RNF44: variants seen among roughly 807,000 people sequenced by gnomAD.
The protein encoded by RNF44 is ring finger protein 44.
In RNF44, 25 loss-of-function variants were observed where a neutral mutation model predicts 53.6. That is an observed-to-expected ratio of 0.47 (90% CI 0.34 to 0.65). The LOEUF (loss-of-function observed/expected upper bound fraction) is 0.65. Among genes scored for constraint, RNF44 ranks in the 30% least tolerant of loss-of-function variants. The pLI is 0.01. For missense variants in RNF44, 581 were observed against 595.5 expected, an observed-to-expected ratio of 0.98 and a Z score of 0.25; for synonymous variants, 282 against 252.2, an observed-to-expected ratio of 1.12 and a Z score of -1.12.
chr5:176,531,418 TG>T lies in RNF44; in HGVS notation c.465+44del. On this transcript the variant is annotated intron_variant, in intron 4 of 10. Transcript: ENST00000274811. The surrounding 1 kb of genome is among the most constrained non-coding windows in gnomAD (Gnocchi z 4.2). ...GCCCGCTGAGCCGCTGGCCTGTGCC[TG>T]GGGCTTGCAGCTGGTGGAGGAGGAG... The T allele has an allele frequency of 6.6e-7, 1 of 1,526,420 alleles. No individual in the cohort carries two copies. The highest frequency in any genetic ancestry group is 8.8e-7 in the Non-Finnish European group (1 of 1,135,056). The allele number at this position is 1,526,420 out of a possible 1,614,324, so 94.6% of individuals were successfully genotyped here.
rs773156373 is a variant in RNF44, at chr5:176,532,127, CGG to C, written c.172_173del (p.Pro58AlafsTer37). On this transcript the variant is annotated frameshift_variant, in exon 3 of 11. Transcript: ENST00000274811. LOFTEE classifies it high-confidence loss of function. Reference sequence around the variant, plus strand: ...CGGGGAGGTGTGGAGGTCGGGACGGCGGCTGCTGGGAGGGTAAGCGCTCATCC... The same window carrying C: ...CGGGGAGGTGTGGAGGTCGGGACGGCCTGCTGGGAGGGTAAGCGCTCATCC... ...ARDERLPSQQPPSRPPHLPVE... is the reference protein window; with the variant it reads ...ARDERLPSQQXPSRPPHLPVE... 45 of 1,581,074 alleles carry C rather than the reference CGG, an allele frequency of 2.8e-5. No homozygotes were observed. Among genetic ancestry groups the C allele is most frequent in the Non-Finnish European group, 3.8e-5 (44 of 1,165,824 alleles).
At position 176,530,576 on chromosome 5, in the gene RNF44, A is replaced by C; in HGVS notation, c.801+6T>G. The C allele has an allele frequency of 7.0e-7, 1 of 1,434,136 alleles. No homozygotes were observed. Among genetic ancestry groups the C allele is most frequent in the Non-Finnish European group, 9.1e-7 (1 of 1,099,034 alleles). 88.8% of individuals were successfully genotyped at this position (1,434,136 alleles called of 1,614,324 possible). On this transcript the variant is annotated splice_donor_region_variant and intron_variant, in intron 6 of 10. Transcript: ENST00000274811. ...GAGCCCAGGTGGGGGTCGGGGTGGC[A>C]CTCACCACACCAAAGGACAGCTCCT... is the stretch of plus-strand genomic sequence containing the variant.
At chr5:176,540,978 C>A (rs1757434467), upstream of RNF44, among the ~76,000 whole-genome samples, 2 of 152,220 alleles carry the variant, frequency 1.3e-5, no homozygotes, top group African/African-American at 4.8e-5. Flanking sequence ...GGCTTTGGAA[C>A]CCTGCTGTGG....
chr5:176,529,822 G>C lies in RNF44; in HGVS notation c.927-4C>G. ...TGGTGACATTGGCAGCATCGAGCTA[G>C]AGAGAGACAAGTGTGGGGGCCCAGG... On this transcript the variant is annotated splice_polypyrimidine_tract_variant and splice_region_variant and intron_variant, in intron 7 of 10. Transcript: ENST00000274811. 1 of 1,594,176 alleles carries C rather than the reference G, an allele frequency of 6.3e-7. No individual in the cohort carries two copies. Among genetic ancestry groups the C allele is most frequent in the East Asian group, 2.2e-5 (1 of 44,774 alleles).
rs761628180 is a variant in RNF44 at position 176,531,679 on chromosome 5, GA to G, written c.298-50del. On this transcript the variant is annotated intron_variant, in intron 3 of 10. Transcript: ENST00000274811. This position sits in a 1 kb window ranked among gnomAD's most constrained non-coding sequence, Gnocchi z 4.2. Reference sequence around the variant, plus strand: ...AAAGTATGAAAAGGAAGCTGACCGCGAGGGCTACTCTCAGGAGAAATCATCC... The same window carrying G: ...AAAGTATGAAAAGGAAGCTGACCGCGGGGCTACTCTCAGGAGAAATCATCC... 9.7e-6 allele frequency: 15 copies of G among 1,541,506 alleles called. No homozygotes were observed. Among genetic ancestry groups the G allele is most frequent in the Non-Finnish European group, 1.3e-5 (15 of 1,135,078 alleles).
In RNF44 at chr5:176,532,348, T is replaced by C; in HGVS notation, c.107+18A>G. 2 of 1,598,698 alleles carry C rather than the reference T, an allele frequency of 1.3e-6. No homozygotes were observed. The highest frequency in any genetic ancestry group is 1.7e-6 in the Non-Finnish European group (2 of 1,173,950). Reference sequence around the variant, plus strand: ...GGCCCCCATGCCCCAGCACCAGGACTGGGAGGCTCCTTCCTACCTTCCCCA... The same window carrying C: ...GGCCCCCATGCCCCAGCACCAGGACCGGGAGGCTCCTTCCTACCTTCCCCA... On this transcript the variant is annotated intron_variant, in intron 2 of 10. Transcript: ENST00000274811.
chr5:176,536,068 G>A (rs755488109), intron 1 of RNF44: 1 of 152,208 alleles, frequency 6.6e-6, no homozygotes, highest in Non-Finnish European at 1.5e-5. Context: ...TAAAAACAAA[G>A]TCAGACCCTG....
At chr5:176,535,445 T>A (rs2113179325) in intron 1 of RNF44, among the ~76,000 whole-genome samples, 1 of 152,330 alleles carries the variant, frequency 6.6e-6, no homozygotes, top group Non-Finnish European at 1.5e-5. Flanking sequence ...GAGTGGATCC[T>A]GGTTCTTTAA....
In RNF44 at chr5:176,531,679, G is replaced by C. The variant is rs377052527; in HGVS notation, c.298-49C>G. On this transcript the variant is annotated intron_variant, in intron 3 of 10. Coordinates refer to ENST00000274811, the MANE Select transcript of RNF44 (RefSeq NM_014901.5). The surrounding 1 kb of genome is among the most constrained non-coding windows in gnomAD (Gnocchi z 4.2). ...AAAGTATGAAAAGGAAGCTGACCGCGAGGGCTACTCTCAGGAGAAATCATC... is the reference window on the plus strand; with the variant it reads ...AAAGTATGAAAAGGAAGCTGACCGCCAGGGCTACTCTCAGGAGAAATCATC... 1.3e-6 allele frequency: 2 copies of C among 1,541,624 alleles called. No homozygotes were observed. The highest frequency in any genetic ancestry group is 1.2e-5 in the South Asian group (1 of 83,530).
rs539566033 is a variant in RNF44 at position 176,530,875 on chromosome 5, C to T, written c.612G>A (p.Val204=). The part of the protein sequence containing the change: ...PTHMAPLGQF[V]SLQTQHPRMP... ...TCCGAGGGTGCTGGGTCTGCAGAGA[C>T]ACAAACTGCCCCAGGGGCGCCATGT... The change falls in exon 5 of 11, where the codon GTG becomes GTA. Residue 204 remains valine (V), a synonymous_variant. Transcript: ENST00000274811. 1.5e-5 allele frequency: 16 copies of T among 1,054,794 alleles called. No homozygotes were observed. In the East Asian group the frequency reaches 4.2e-4, roughly 28 times the overall value. 65.3% of individuals were successfully genotyped at this position (1,054,794 alleles called of 1,614,324 possible).
At chr5:176,536,157 G>C (rs993971434) in intron 1 of RNF44, 2 of 152,304 alleles carry the variant, frequency 1.3e-5, no homozygotes, top group Non-Finnish European at 2.9e-5. Flanking sequence ...AGCAGGCTCT[G>C]CCCAGCGCAA....
In RNF44 at chr5:176,532,347, C is replaced by T; in HGVS notation, c.107+19G>A. On this transcript the variant is annotated intron_variant, in intron 2 of 10. Coordinates refer to ENST00000274811, the MANE Select transcript of RNF44 (RefSeq NM_014901.5). Reference sequence around the variant, plus strand: ...TGGCCCCCATGCCCCAGCACCAGGACTGGGAGGCTCCTTCCTACCTTCCCC... The same window carrying T: ...TGGCCCCCATGCCCCAGCACCAGGATTGGGAGGCTCCTTCCTACCTTCCCC... 1 of 1,597,448 alleles carries T rather than the reference C, an allele frequency of 6.3e-7. No homozygotes were observed. The highest frequency in any genetic ancestry group is 2.3e-5 in the East Asian group (1 of 44,082).
At chr5:176,532,675 G>T (rs1232593343) in intron 1 of RNF44, among the ~76,000 whole-genome samples, 159 bp from the exon 2 acceptor site, 1 of 142,100 alleles carries the variant, frequency 7.0e-6, no homozygotes, top group East Asian at 2.2e-4. Flanking sequence ...CCCGGGAGGC[G>T]GAGGTTGCAG....
chr5:176,543,137 G>T, the RNF44 span, among the ~76,000 whole-genome samples: 1 of 151,072 alleles, frequency 6.6e-6, no homozygotes, highest in African/African-American at 2.4e-5. This position sits in a 1 kb window ranked among gnomAD's most constrained non-coding sequence, Gnocchi z 4.0. Context: ...TGCGGGCGCC[G>T]GCAGAGGCCT....
At chr5:176,533,961 C>A (rs908820044) in intron 1 of RNF44, among the ~76,000 whole-genome samples, 3 of 152,262 alleles carry the variant, frequency 2.0e-5, no homozygotes, top group Admixed American at 2.0e-4. Flanking sequence ...AATGTCACCT[C>A]CCTGTTGACA....
upstream of RNF44, chr5:176,537,950 G>T (rs983149250): frequency 8.5e-5 from 13 of 152,246 alleles, no homozygotes; most frequent in African/African-American, 2.6e-4. Context: ...ACTACACGGC[G>T]TCTTTAAAAA....
At chr5:176,529,215 G>A in intron 10 of RNF44, 73 bp downstream of exon 10, 1 of 1,559,794 alleles carries the variant, frequency 6.4e-7, no homozygotes, top group Non-Finnish European at 8.8e-7. Context: ...GACAAGGAGG[G>A]AAACAGCCCA....
chr5:176,539,991 C>A (rs779239392), upstream of RNF44, among the ~76,000 whole-genome samples: 58 of 152,190 alleles, frequency 3.8e-4, no homozygotes, highest in Non-Finnish European at 7.1e-4. Flanking sequence ...CAATCCATTT[C>A]ACTTTTCGGC....
chr5:176,526,837 C>T lies in RNF44; in HGVS notation c.*2191G>A, dbSNP rs1427189304. 1 of 152,406 alleles carries T rather than the reference C, an allele frequency of 6.6e-6. No homozygotes were observed. Among genetic ancestry groups the T allele is most frequent in the Admixed American group, 6.6e-5 (1 of 15,254 alleles). The allele number at this position is 152,406 out of a possible 1,614,324, so 9.4% of individuals were successfully genotyped here. On this transcript the variant is annotated 3_prime_UTR_variant, in exon 11 of 11. Transcript: ENST00000274811. ...CTTTCATTTTAAAAAAAGTACAAAT[C>T]TGTTAAAAATTTCAATCAGTATACA...
Sources: allele counts gnomAD v4.1 joint callset (sites outside exome capture counted in the v4.1 genomes callset), GRCh38; gene constraint gnomAD v4.1.1; non-coding constraint Gnocchi (gnomAD v3.1); transcripts MANE v1.5; gene names NCBI Gene and HGNC (gene_info 2026-07-23, HGNC 2026-07-21).